The following GALNT13 variants were observed in gnomAD, a reference collection of about 807,000 sequenced individuals.
GALNT13 encodes polypeptide N-acetylgalactosaminyltransferase 13.
A neutral mutation model predicts 64.2 loss-of-function variants in GALNT13; 28 were observed. That is an observed-to-expected ratio of 0.44 (90% CI 0.32 to 0.60). The LOEUF (loss-of-function observed/expected upper bound fraction) is 0.60. Among genes scored for constraint, GALNT13 ranks in the 20% least tolerant of loss-of-function variants. GALNT13 has a pLI of 0.05. For missense variants in GALNT13, 577 were observed against 669.8 expected, an observed-to-expected ratio of 0.86 and a Z score of 1.53; for synonymous variants, 214 against 224.6, an observed-to-expected ratio of 0.95 and a Z score of 0.42.
At chr2:153,270,480 C>G in the GALNT13 span, among the ~76,000 whole-genome samples, 1 of 152,202 alleles carries the variant, frequency 6.6e-6, no homozygotes, top group Non-Finnish European at 1.5e-5. Context: ...GACTTCAGTG[C>G]CCAGACGCGC....
At chr2:154,168,591 T>G (rs1685166313) in intron 4 of GALNT13, among the ~76,000 whole-genome samples, 1 of 150,904 alleles carries the variant, frequency 6.6e-6, no homozygotes, top group African/African-American at 2.4e-5. Context: ...TCCCAGCACT[T>G]TGGGAGGCTG....
At chr2:153,118,055 T>C in the GALNT13 span, among the ~76,000 whole-genome samples, 3 of 150,878 alleles carry the variant, frequency 2.0e-5, no homozygotes, top group South Asian at 2.1e-4. Flanking sequence ...ATCCTTCACA[T>C]TGATAACTGA....
chr2:153,288,109 AG>A, the GALNT13 span, among the ~76,000 whole-genome samples: 1 of 152,186 alleles, frequency 6.6e-6, no homozygotes, highest in South Asian at 2.1e-4. Flanking sequence ...GACGTGTCTG[AG>A]CCCTTCTACT....
intron 3 of GALNT13, among the ~76,000 whole-genome samples, chr2:153,972,921 A>G (rs1693838312): frequency 6.6e-6 from 1 of 152,068 alleles, no homozygotes; most frequent in Admixed American, 6.6e-5. Flanking sequence ...AATGAAAAGA[A>G]TGATATAAAG....
At chr2:153,908,499 T>C (rs1329332538) in intron 2 of GALNT13, among the ~76,000 whole-genome samples, 1 of 152,182 alleles carries the variant, frequency 6.6e-6, no homozygotes, top group Non-Finnish European at 1.5e-5. Context: ...TTCTAGGTTG[T>C]CTTCCAGAGT....
chr2:153,916,128 GTTCCTTCC>G (rs150452834), intron 2 of GALNT13, among the ~76,000 whole-genome samples: 1,361 of 132,172 alleles, frequency 0.01, 9 homozygotes, highest in South Asian at 0.018. Context: ...TCCTTCCTTC[GTTCCTTCC>G]TTCCTTCCTT....
the GALNT13 span, among the ~76,000 whole-genome samples, chr2:153,511,212 A>G: frequency 6.6e-6 from 1 of 150,546 alleles, no homozygotes; most frequent in Non-Finnish European, 1.5e-5. Context: ...AAAGGAAGAA[A>G]TTGTTGAGAT....
chr2:154,364,951 C>T (rs1408639710), intron 9 of GALNT13, among the ~76,000 whole-genome samples: 3 of 152,316 alleles, frequency 2.0e-5, no homozygotes, highest in South Asian at 4.1e-4. Flanking sequence ...GGATTACAGG[C>T]GTAAGCCACT....
chr2:153,176,514 A>G, the GALNT13 span, among the ~76,000 whole-genome samples: 1 of 150,706 alleles, frequency 6.6e-6, no homozygotes, highest in African/African-American at 2.4e-5. Flanking sequence ...ATCCGAAATT[A>G]AGAATGCATT....
the GALNT13 span, among the ~76,000 whole-genome samples, chr2:153,629,850 C>T: frequency 6.8e-6 from 1 of 147,788 alleles, no homozygotes; most frequent in African/African-American, 2.6e-5. Flanking sequence ...CATGAACAGA[C>T]ACTTCTCAAA....
chr2:154,112,311 G>T (rs1439940622), intron 3 of GALNT13, among the ~76,000 whole-genome samples: 1 of 152,170 alleles, frequency 6.6e-6, no homozygotes, highest in Non-Finnish European at 1.5e-5. Context: ...TGCCACCATG[G>T]CCACTTTGTT....
At chr2:154,001,461 A>C (rs6753596) in intron 3 of GALNT13, among the ~76,000 whole-genome samples, 38,623 of 151,688 alleles carry the variant, frequency 0.25, 6,843 homozygotes, top group East Asian at 0.82. Flanking sequence ...GTTATCATGA[A>C]GCTTACAAAA....
the GALNT13 span, among the ~76,000 whole-genome samples, chr2:153,500,580 C>A: frequency 1.4e-4 from 22 of 152,162 alleles, no homozygotes; most frequent in African/African-American, 5.1e-4. Context: ...CCTTTTGTTT[C>A]TTCTGAGCTG....
At chr2:153,119,155 G>C in the GALNT13 span, among the ~76,000 whole-genome samples, 1 of 152,080 alleles carries the variant, frequency 6.6e-6, no homozygotes, top group Non-Finnish European at 1.5e-5. Flanking sequence ...TGAATTGTGA[G>C]TCAATTAAAC....
intron 3 of GALNT13, among the ~76,000 whole-genome samples, chr2:154,039,711 G>A (rs1698871118): frequency 7.2e-6 from 1 of 139,062 alleles, no homozygotes; most frequent in Admixed American, 7.3e-5. Context: ...GCACTGTAGG[G>A]TGAATATACC....
chr2:154,128,622 T>C (rs1489606091), intron 3 of GALNT13, among the ~76,000 whole-genome samples: 1 of 152,098 alleles, frequency 6.6e-6, no homozygotes, highest in Non-Finnish European at 1.5e-5. Flanking sequence ...GTCCAAAACA[T>C]AAACATAAGG....
At chr2:153,085,959 A>C in the GALNT13 span, among the ~76,000 whole-genome samples, 1 of 152,226 alleles carries the variant, frequency 6.6e-6, no homozygotes, top group Non-Finnish European at 1.5e-5. Context: ...TGCCAAAGCC[A>C]TGGGAGCCGC....
At position 153,950,225 on chromosome 2, in the gene GALNT13, A is replaced by G. The variant is rs148619726; in HGVS notation, c.142+5586A>G. ...TACGTATAAGTAACTTGATTGTTAT[A>G]TATATCAAGTATATATAAAATTTTT... On this transcript the variant is annotated intron_variant, in intron 3 of 12. Coordinates refer to ENST00000392825, the MANE Select transcript of GALNT13 (RefSeq NM_052917.4). Among the ~76,000 whole-genome samples, 475 of 152,058 alleles carry G rather than the reference A, an allele frequency of 3.1e-3. 1 individual carries two copies. The highest frequency in any genetic ancestry group is 5.3e-3 in the Non-Finnish European group (362 of 67,948).
At chr2:153,232,140 T>A in the GALNT13 span, among the ~76,000 whole-genome samples, 19 of 152,330 alleles carry the variant, frequency 1.2e-4, no homozygotes, top group African/African-American at 4.6e-4. Context: ...GCAACACAAA[T>A]AAGTACTTTC....
Sources: allele counts gnomAD v4.1 joint callset (sites outside exome capture counted in the v4.1 genomes callset), GRCh38; gene constraint gnomAD v4.1.1; transcripts MANE v1.5; gene names NCBI Gene and HGNC (gene_info 2026-07-23, HGNC 2026-07-21).